The following SLC25A33 variants were observed in gnomAD, a reference collection of about 807,000 sequenced individuals.
SLC25A33 encodes solute carrier family 25 member 33, also known as bone marrow stromal cell mitochondrial carrier protein.
In SLC25A33, 15 loss-of-function variants were observed where a neutral mutation model predicts 35.5. The ratio of observed to expected loss-of-function variants is 0.42; its 90% CI spans 0.28 to 0.65. SLC25A33 has a LOEUF of 0.65. SLC25A33 is among the 30% of genes least tolerant of loss of function. SLC25A33 has a pLI of 0.20. For synonymous variants in SLC25A33, 136 were observed against 148.7 expected, an observed-to-expected ratio of 0.91 and a Z score of 0.62; for missense variants, 257 against 398.5, an observed-to-expected ratio of 0.64 and a Z score of 3.02.
intron 6 of SLC25A33, among the ~76,000 whole-genome samples, chr1:9,581,016 A>T (rs549556526): frequency 1.3e-5 from 2 of 152,276 alleles, no homozygotes; most frequent in African/African-American, 4.8e-5. Flanking sequence ...TTATTGTGCC[A>T]TGAAAAACAG....
intron 1 of SLC25A33, among the ~76,000 whole-genome samples, chr1:9,547,525 G>A (rs950823646): frequency 3.9e-5 from 6 of 152,172 alleles, no homozygotes; most frequent in Admixed American, 2.0e-4. Context: ...GAGGCAACCA[G>A]CAGTGCCACC....
chr1:9,567,421 T>C, intron 3 of SLC25A33, 60 bp downstream of exon 3: 2 of 1,480,386 alleles, frequency 1.4e-6, no homozygotes, highest in Non-Finnish European at 1.9e-6. Context: ...GGGTCCTTTC[T>C]TACCAAAGGG....
rs1025238456 is a variant in SLC25A33, at chr1:9,582,740, A to G, written c.*239A>G. 8 of 495,640 alleles carry G rather than the reference A, an allele frequency of 1.6e-5. No individual in the cohort carries two copies. In the Admixed American group the frequency reaches 3.0e-4, roughly 18 times the overall value. The allele number at this position is 495,640 out of a possible 1,614,324, so 30.7% of individuals were successfully genotyped here. Reference sequence around the variant, plus strand: ...TAAGAGGATTCAGGGTTAAGCACCAACTAAATTAAATCATGCTATTTAATT... The same window carrying G: ...TAAGAGGATTCAGGGTTAAGCACCAGCTAAATTAAATCATGCTATTTAATT... On this transcript the variant is annotated 3_prime_UTR_variant, in exon 7 of 7. Coordinates refer to ENST00000302692, the MANE Select transcript of SLC25A33 (RefSeq NM_032315.3). The surrounding 1 kb of genome is among the most constrained non-coding windows in gnomAD (Gnocchi z 4.0).
rs746292137 is a variant in SLC25A33 at position 9,580,056 on chromosome 1, T to C, written c.585T>C (p.Ala195=). ...GFYRGLTASY[A]GISETIICFA... Reference sequence around the variant, plus strand: ...ATAGAGGATTAACTGCCTCGTATGCTGGAATTTCCGAAACTATAATCTGCT... The same window carrying C: ...ATAGAGGATTAACTGCCTCGTATGCCGGAATTTCCGAAACTATAATCTGCT... Residue 195 remains alanine (A), a synonymous_variant, in exon 6 of 7, where the codon GCT becomes GCC. Coordinates refer to ENST00000302692, the MANE Select transcript of SLC25A33 (RefSeq NM_032315.3). 5.6e-6 allele frequency: 9 copies of C among 1,612,996 alleles called. No homozygotes were observed. The East Asian group carries it at 1.6e-4, about 28-fold the overall frequency.
intron 3 of SLC25A33, among the ~76,000 whole-genome samples, chr1:9,568,603 G>A (rs1283316281): frequency 6.6e-6 from 1 of 152,162 alleles, no homozygotes; most frequent in Non-Finnish European, 1.5e-5. Context: ...TGTAATCCCA[G>A]CACTTTGGGA....
At chr1:9,580,329 C>T (rs1337339125) in intron 6 of SLC25A33, 95 bp downstream of exon 6, 1 of 1,483,362 alleles carries the variant, frequency 6.7e-7, no homozygotes, top group Non-Finnish European at 9.1e-7. Flanking sequence ...CATTGAGGCG[C>T]AGGATCCCTG....
At chr1:9,559,521 T>C (rs1476898550) in intron 2 of SLC25A33, among the ~76,000 whole-genome samples, 2 of 151,940 alleles carry the variant, frequency 1.3e-5, no homozygotes, top group African/African-American at 4.8e-5. Flanking sequence ...TTAAAGTCTT[T>C]TATCTCTTAA....
chr1:9,579,842 A>G, intron 5 of SLC25A33, 112 bp from the exon 6 acceptor site: 1 of 1,271,698 alleles, frequency 7.9e-7, no homozygotes, highest in Non-Finnish European at 1.1e-6. Flanking sequence ...GAGCCAGGAA[A>G]CAAGTATCCT....
Position 9,577,433 on chromosome 1 carries a change from C to T in SLC25A33, c.483-2521C>T, listed in dbSNP as rs143105123. Among the ~76,000 whole-genome samples, 32 of 152,090 alleles carry T rather than the reference C, an allele frequency of 2.1e-4. No individual in the cohort carries two copies. In the East Asian group the frequency reaches 6.0e-3, roughly 28 times the overall value. On this transcript the variant is annotated intron_variant, in intron 5 of 6. Transcript: ENST00000302692. ...AGTTGAGGTTGCAGCTGAGATTGCA[C>T]CATTGCACTCCACCCTAGGGGACAG... is the stretch of plus-strand genomic sequence containing the variant.
chr1:9,562,880 T>C (rs1488037492), intron 2 of SLC25A33, among the ~76,000 whole-genome samples: 2 of 150,746 alleles, frequency 1.3e-5, no homozygotes, highest in African/African-American at 2.4e-5. Flanking sequence ...ATTATATAAA[T>C]TGAACTAAGG....
chr1:9,542,909 T>C (rs533062374), intron 1 of SLC25A33, among the ~76,000 whole-genome samples: 3 of 151,962 alleles, frequency 2.0e-5, no homozygotes, highest in Non-Finnish European at 4.4e-5. Context: ...GCCTCCCGGG[T>C]TGAAGCAATT....
In SLC25A33 at chr1:9,578,915, C is replaced by T. The variant is rs1643698993; in HGVS notation, c.483-1039C>T. 6.6e-6 allele frequency among the ~76,000 whole-genome samples: 1 copy of T among 152,226 alleles called. No homozygotes were observed. The highest frequency in any genetic ancestry group is 1.5e-5 in the Non-Finnish European group (1 of 68,040). On this transcript the variant is annotated intron_variant, in intron 5 of 6. Transcript: ENST00000302692. The surrounding 1 kb of genome is among the most constrained non-coding windows in gnomAD (Gnocchi z 4.3). ...CCTGATTGTTTTGCAGTTGTAGTTC[C>T]TCTGTGATGAGCCTTACTGCTCCCT...
At chr1:9,564,720 C>A (rs1569862138) in intron 2 of SLC25A33, among the ~76,000 whole-genome samples, 2 of 87,662 alleles carry the variant, frequency 2.3e-5, no homozygotes, top group African/African-American at 5.6e-5. Flanking sequence ...CACCTCGTCT[C>A]TATTTAAAAA....
chr1:9,540,507 ACCCCTCGCCACCT>A (rs141077728), intron 1 of SLC25A33, among the ~76,000 whole-genome samples: 1 of 152,132 alleles, frequency 6.6e-6, no homozygotes, highest in East Asian at 1.9e-4. Context: ...GGGAGATGGT[ACCCCTCGCCACCT>A]CCCCTTGTCA....
intron 1 of SLC25A33, among the ~76,000 whole-genome samples, chr1:9,541,439 G>A (rs1643080513): frequency 6.6e-6 from 1 of 152,126 alleles, no homozygotes; most frequent in Non-Finnish European, 1.5e-5. Flanking sequence ...GTGAGCCACT[G>A]CGCCCGGCCA....
intron 3 of SLC25A33, 125 bp downstream of exon 3, chr1:9,567,486 C>T (rs1466643339): frequency 2.8e-5 from 22 of 774,376 alleles, no homozygotes; most frequent in Non-Finnish European, 4.2e-5. Flanking sequence ...CTAAATATAG[C>T]GGACATAGCA....
intron 2 of SLC25A33, among the ~76,000 whole-genome samples, chr1:9,559,371 G>A (rs1225194569): frequency 6.6e-6 from 1 of 152,046 alleles, no homozygotes; most frequent in African/African-American, 2.4e-5. Flanking sequence ...CATACAAATT[G>A]AATGCATGAG....
intron 5 of SLC25A33, among the ~76,000 whole-genome samples, chr1:9,575,364 C>T (rs904333165): frequency 1.3e-5 from 2 of 152,064 alleles, no homozygotes; most frequent in Middle Eastern, 3.2e-3. Context: ...TGCCTGTAAT[C>T]CCAGCACTTT....
At chr1:9,558,655 T>C (rs1643378849) in intron 2 of SLC25A33, among the ~76,000 whole-genome samples, 1 of 152,208 alleles carries the variant, frequency 6.6e-6, no homozygotes, top group Non-Finnish European at 1.5e-5. Context: ...TTGGATCTTA[T>C]TTCTCAGCCC....
Sources: allele counts gnomAD v4.1 joint callset (sites outside exome capture counted in the v4.1 genomes callset), GRCh38; gene constraint gnomAD v4.1.1; non-coding constraint Gnocchi (gnomAD v3.1); transcripts MANE v1.5; gene names NCBI Gene and HGNC (gene_info 2026-07-23, HGNC 2026-07-21).